PLCB4: variants seen among roughly 807,000 people sequenced by gnomAD.
The protein encoded by PLCB4 is 1-phosphatidylinositol 4,5-bisphosphate phosphodiesterase beta-4.
A neutral mutation model predicts 178.8 loss-of-function variants in PLCB4; 77 were observed. The ratio of observed to expected loss-of-function variants is 0.43; its 90% confidence interval spans 0.36 to 0.52. PLCB4 has a LOEUF of 0.52. PLCB4 is among the 20% of genes least tolerant of loss of function. PLCB4 has a pLI of 0.00. For synonymous variants in PLCB4, 496 were observed against 490.8 expected (o/e 1.01, Z -0.14); for missense variants, 1,024 against 1,453.4 (o/e 0.70, Z 4.80).
intron 3 of PLCB4, among the ~76,000 whole-genome samples, chr20:9,241,039 A>G (rs928840078): frequency 6.6e-6 from 1 of 152,222 alleles, no homozygotes; most frequent in African/African-American, 2.4e-5. Context: ...ATGGTTTAGA[A>G]GGAAAGATAA....
intron 2 of PLCB4, among the ~76,000 whole-genome samples, chr20:9,190,023 C>T (rs1054067813): frequency 7.9e-5 from 12 of 152,102 alleles, no homozygotes; most frequent in Admixed American, 3.9e-4. Flanking sequence ...CAAATGTCCT[C>T]GGAGGCACAA....
At position 9,131,991 on chromosome 20, in the gene PLCB4, C is replaced by G. The variant is rs184660173; in HGVS notation, c.-79+35649C>G. 1.7e-3 allele frequency among the ~76,000 whole-genome samples: 255 copies of G among 152,288 alleles called. 3 individuals are homozygous for G. Among genetic ancestry groups the G allele is most frequent in the Admixed American group, 0.015 (233 of 15,294 alleles). On this transcript the variant is annotated intron_variant, in intron 2 of 39. Transcript: ENST00000378473. ...CTCGCATGTTCCAGCCCCAGTCAAA[C>G]TCCCAACTGACTGCAGTCTATTGAG...
intron 4 of PLCB4, among the ~76,000 whole-genome samples, chr20:9,330,040 T>A (rs774633915): frequency 2.0e-5 from 3 of 152,144 alleles, no homozygotes. Context: ...AGAGGCGGTG[T>A]TTGTGCAGAA....
At chr20:9,373,845 C>CA in intron 12 of PLCB4, among the ~76,000 whole-genome samples, 1 of 152,192 alleles carries the variant, frequency 6.6e-6, no homozygotes, top group Admixed American at 6.5e-5. Flanking sequence ...TTCACACATA[C>CA]AAAAAAAGTT....
chr20:9,121,362 T>A (rs1226962812), intron 2 of PLCB4, among the ~76,000 whole-genome samples: 1 of 152,206 alleles, frequency 6.6e-6, no homozygotes, highest in East Asian at 1.9e-4. Context: ...TCCACAGGGC[T>A]CTGAACGCCG....
chr20:9,445,093 C>T (rs2042334971), intron 32 of PLCB4, among the ~76,000 whole-genome samples: 1 of 152,162 alleles, frequency 6.6e-6, no homozygotes, highest in African/African-American at 2.4e-5. Context: ...TGTAAGAGAA[C>T]AGCAGGAGGT....
intron 30 of PLCB4, among the ~76,000 whole-genome samples, chr20:9,437,912 A>C (rs1249896365): frequency 6.6e-6 from 1 of 152,230 alleles, no homozygotes; most frequent in African/African-American, 2.4e-5. Context: ...GTCATTGCAG[A>C]TGAGACCACA....
intron 3 of PLCB4, among the ~76,000 whole-genome samples, chr20:9,304,062 C>T (rs946681416): frequency 6.6e-6 from 1 of 151,666 alleles, no homozygotes; most frequent in Non-Finnish European, 1.5e-5. Flanking sequence ...AATATATATC[C>T]AATTCAGAAA....
intron 24 of PLCB4, 114 bp from the exon 25 acceptor site, chr20:9,410,923 A>C: frequency 1.4e-6 from 1 of 708,986 alleles, no homozygotes; most frequent in Non-Finnish European, 2.5e-6. Flanking sequence ...TTGTAGTATT[A>C]AAGAGGGACC....
intron 2 of PLCB4, among the ~76,000 whole-genome samples, chr20:9,148,373 T>C (rs1356625402): frequency 2.6e-5 from 4 of 152,136 alleles, no homozygotes; most frequent in Admixed American, 2.6e-4. Flanking sequence ...TAAATGATTT[T>C]TGAAATAGGA....
chr20:9,338,993 A>G lies in PLCB4; in HGVS notation c.325A>G (p.Ile109Val). ...CTGCAGTGGCACAGATCTAGTGAAC[A>G]TTAGTTTTACCTACATGGTGGCTGA... is the stretch of plus-strand genomic sequence containing the variant. The part of the protein sequence containing the change: ...CVCSGTDLVN[I>V]SFTYMVAENP... The change falls in exon 7 of 40, where the codon ATT (isoleucine) becomes GTT (valine). Residue 109 changes from isoleucine (I) to valine (V), a missense_variant. Ile to Val is a conservative substitution (Grantham distance 29). Around this residue, in one of 7 missense-constraint regions of PLCB4, gnomAD observed 225 missense variants for 291.0 expected, o/e 0.77. Coordinates refer to ENST00000378473, the MANE Select transcript of PLCB4 (RefSeq NM_001377142.1). 7.4e-6 allele frequency: 12 copies of G among 1,613,450 alleles called. No individual in the cohort carries two copies. The highest frequency in any genetic ancestry group is 2.2e-5 in the East Asian group (1 of 44,834).
intron 7 of PLCB4, among the ~76,000 whole-genome samples, chr20:9,360,004 G>A (rs559560741): frequency 7.2e-5 from 11 of 152,252 alleles, no homozygotes; most frequent in East Asian, 1.9e-4. Flanking sequence ...TTACCTGAAC[G>A]ATAATAGAAG....
At chr20:9,384,980 G>A (rs1180046445) in intron 14 of PLCB4, among the ~76,000 whole-genome samples, 1 of 152,050 alleles carries the variant, frequency 6.6e-6, no homozygotes, top group Non-Finnish European at 1.5e-5. Flanking sequence ...TGTGTCCCTG[G>A]GTACTTGAGA....
chr20:9,388,385 A>G (rs1362199378), intron 15 of PLCB4, among the ~76,000 whole-genome samples: 1 of 151,920 alleles, frequency 6.6e-6, no homozygotes, highest in Non-Finnish European at 1.5e-5. Context: ...GCGGTTCTCA[A>G]CTCCACCTAC....
intron 2 of PLCB4, among the ~76,000 whole-genome samples, chr20:9,178,767 T>C (rs1161560879): frequency 6.6e-6 from 1 of 152,044 alleles, no homozygotes; most frequent in Admixed American, 6.6e-5. Flanking sequence ...TTTTGTTGTA[T>C]ATAGGGATAT....
At chr20:9,134,451 AT>A (rs771425900) in intron 2 of PLCB4, among the ~76,000 whole-genome samples, 1 of 151,910 alleles carries the variant, frequency 6.6e-6, no homozygotes, top group Non-Finnish European at 1.5e-5. Context: ...GTATAACCCC[AT>A]TTTTTTTAAT....
At chr20:9,081,786 C>T (rs1256171000) in intron 1 of PLCB4, among the ~76,000 whole-genome samples, 1 of 64,016 alleles carries the variant, frequency 1.6e-5, no homozygotes, top group African/African-American at 5.5e-5. Flanking sequence ...AAAAAAAAGC[C>T]AAAGTTTAGT....
intron 24 of PLCB4, among the ~76,000 whole-genome samples, chr20:9,409,448 C>G (rs973960555): frequency 2.0e-5 from 3 of 152,042 alleles, no homozygotes; most frequent in African/African-American, 7.2e-5. Flanking sequence ...ATCCCATATT[C>G]CAAAATATTT....
intron 7 of PLCB4, among the ~76,000 whole-genome samples, chr20:9,356,201 T>C (rs2034804019): frequency 6.6e-6 from 1 of 152,168 alleles, no homozygotes; most frequent in Non-Finnish European, 1.5e-5. Context: ...TAGCCCTTTG[T>C]CAGATGAGTA....
Sources: allele counts gnomAD v4.1 joint callset (sites outside exome capture counted in the v4.1 genomes callset), GRCh38; gene constraint gnomAD v4.1.1; regional missense constraint gnomAD v4.1.1; transcripts MANE v1.5; gene names NCBI Gene and HGNC (gene_info 2026-07-23, HGNC 2026-07-21).